The following FRMD8 variants were observed in gnomAD, a reference collection of about 807,000 sequenced individuals.
FRMD8 encodes the protein FERM domain-containing protein 8.
In FRMD8, 37 loss-of-function variants were observed where a neutral mutation model predicts 54.2. The ratio of observed to expected loss-of-function variants is 0.68; its 90% CI spans 0.53 to 0.90. The LOEUF (loss-of-function observed/expected upper bound fraction) is 0.90. Among genes scored for constraint, FRMD8 ranks in the 40% least tolerant of loss-of-function variants. The pLI, the probability that FRMD8 is intolerant of heterozygous loss-of-function variation, is 0.00. For missense variants in FRMD8, 585 were observed against 653.7 expected (o/e 0.89, Z 1.15); for synonymous variants, 246 against 286.9 (o/e 0.86, Z 1.44).
chr11:65,386,461 C>G (rs1301959714), upstream of FRMD8: 1 of 153,138 alleles, frequency 6.5e-6, no homozygotes, highest in East Asian at 1.9e-4. Context: ...CTGGGTCACT[C>G]TGGTGGTGGC....
chr11:65,380,523 C>T, the FRMD8 span: 18 of 1,385,408 alleles, frequency 1.3e-5, no homozygotes, highest in Non-Finnish European at 1.7e-5. Context: ...GAGAATCACC[C>T]AGGTTCCCAC....
intron 3 of FRMD8, among the ~76,000 whole-genome samples, chr11:65,391,995 A>ATGAGGACCCCC (rs1272894064): frequency 6.6e-6 from 1 of 152,208 alleles, no homozygotes; most frequent in Admixed American, 6.5e-5. Context: ...CAGAGAGAGC[A>ATGAGGACCCCC]TGAGGACCCC....
At chr11:65,375,817 C>G in the FRMD8 span, 1 of 153,816 alleles carries the variant, frequency 6.5e-6, no homozygotes, top group Non-Finnish European at 1.4e-5. Flanking sequence ...AATCCCAGCA[C>G]TTTGAGAGGC....
At chr11:65,369,766 C>T in the FRMD8 span, among the ~76,000 whole-genome samples, 1 of 150,780 alleles carries the variant, frequency 6.6e-6, no homozygotes, top group Admixed American at 6.6e-5. Flanking sequence ...GGCATAGTGG[C>T]TCATGCCTGT....
At chr11:65,381,968 A>C, upstream of FRMD8, 1 of 1,612,792 alleles carries the variant, frequency 6.2e-7, no homozygotes, top group Non-Finnish European at 8.5e-7. Flanking sequence ...GGCTTGCGGG[A>C]ACTGGTGGCT....
At chr11:65,410,816 A>C (rs1405920704) in intron 10 of FRMD8, among the ~76,000 whole-genome samples, 1 of 152,160 alleles carries the variant, frequency 6.6e-6, no homozygotes, top group African/African-American at 2.4e-5. Context: ...AACAAACCCA[A>C]AAAAAACCAA....
intron 10 of FRMD8, among the ~76,000 whole-genome samples, chr11:65,407,485 C>T (rs956454857): frequency 8.6e-5 from 13 of 151,976 alleles, no homozygotes; most frequent in African/African-American, 2.4e-4. Context: ...CTCCTGACCT[C>T]AAGTGATCTG....
intron 2 of FRMD8, 44 bp downstream of exon 2, chr11:65,387,165 C>T (rs767196748): frequency 2.0e-6 from 3 of 1,479,450 alleles, no homozygotes; most frequent in Non-Finnish European, 2.8e-6. Context: ...TCCTGGGACC[C>T]CAGCCCTGGA....
upstream of FRMD8, among the ~76,000 whole-genome samples, chr11:65,384,525 A>G (rs559595557): frequency 6.6e-6 from 1 of 152,300 alleles, no homozygotes; most frequent in Non-Finnish European, 1.5e-5. Context: ...AAAGCACTTT[A>G]AAAAGTGGCT....
chr11:65,399,667 TG>T, intron 7 of FRMD8, 68 bp from the exon 8 acceptor site: 1 of 1,577,204 alleles, frequency 6.3e-7, no homozygotes. Flanking sequence ...GAGCCCAGGT[TG>T]GGGCCTCGAG....
upstream of FRMD8, chr11:65,382,003 TC>T (rs759661588): frequency 1.6e-5 from 24 of 1,455,668 alleles, no homozygotes; most frequent in Admixed American, 1.3e-4. The surrounding 1 kb of genome is among the most constrained non-coding windows in gnomAD (Gnocchi z 4.4). Flanking sequence ...AGAGTTGAAT[TC>T]CCCCCTCTCC....
At chr11:65,394,146 C>A (rs757938701) in intron 5 of FRMD8, 47 bp downstream of exon 5, 23 of 1,609,134 alleles carry the variant, frequency 1.4e-5, no homozygotes, top group Non-Finnish European at 2.0e-5. Flanking sequence ...CCCCTTGTGC[C>A]CAGCCTCCCT....
chr11:65,402,429 C>G (rs960587411), intron 9 of FRMD8, among the ~76,000 whole-genome samples: 5 of 151,802 alleles, frequency 3.3e-5, no homozygotes, highest in Non-Finnish European at 5.9e-5. Flanking sequence ...ATGTGTGGGT[C>G]TGTTTCTGGA....
chr11:65,411,690 C>G lies in FRMD8; in HGVS notation c.*330C>G, dbSNP rs998395303. 1.8e-5 allele frequency: 4 copies of G among 218,660 alleles called. No homozygotes were observed. Among genetic ancestry groups the G allele is most frequent in the Non-Finnish European group, 3.6e-5 (4 of 110,406 alleles). The allele number at this position is 218,660 out of a possible 1,614,324, so 13.5% of individuals were successfully genotyped here. Reference sequence around the variant, plus strand: ...GCCTTTGTGCCCACCTCAAGATGGGCAGTGTCCCTGTTCTGAAGTGCCCAG... The same window carrying G: ...GCCTTTGTGCCCACCTCAAGATGGGGAGTGTCCCTGTTCTGAAGTGCCCAG... On this transcript the variant is annotated 3_prime_UTR_variant, in exon 11 of 11. Coordinates refer to ENST00000317568, the MANE Select transcript of FRMD8 (RefSeq NM_031904.5).
At chr11:65,394,549 C>G in intron 6 of FRMD8, 124 bp downstream of exon 6, 1 of 1,190,612 alleles carries the variant, frequency 8.4e-7, no homozygotes, top group South Asian at 1.5e-5. Flanking sequence ...GAGGCCTCAG[C>G]CCCGCAGGCT....
the FRMD8 span, among the ~76,000 whole-genome samples, chr11:65,368,600 G>C: frequency 1.3e-5 from 2 of 152,058 alleles, no homozygotes; most frequent in African/African-American, 4.8e-5. Context: ...GTCTTGCTCT[G>C]TCGCCCAGGC....
At chr11:65,393,065 C>G (rs754385527) in intron 3 of FRMD8, among the ~76,000 whole-genome samples, 10 of 152,132 alleles carry the variant, frequency 6.6e-5, no homozygotes, top group Non-Finnish European at 1.0e-4. Context: ...GCGTGTGGGC[C>G]ACGGAGGTGC....
Position 65,404,754 on chromosome 11 carries a change from G to A in FRMD8, c.1072-110G>A, listed in dbSNP as rs1387972981. 4.6e-6 allele frequency: 4 copies of A among 869,904 alleles called. No homozygotes were observed. The highest frequency in any genetic ancestry group is 3.3e-5 in the South Asian group (2 of 61,000). 53.9% of individuals were successfully genotyped at this position (869,904 alleles called of 1,614,324 possible). A position where few individuals can be genotyped will look rare whatever the true frequency, so the allele number is the denominator to read the frequency against. On this transcript the variant is annotated intron_variant, in intron 9 of 10. Coordinates refer to ENST00000317568, the MANE Select transcript of FRMD8 (RefSeq NM_031904.5). This position sits in a 1 kb window ranked among gnomAD's most constrained non-coding sequence, Gnocchi z 4.7. ...CCCTGCTCCCTCCCTCCTGAGTGAT[G>A]TGTGTCCCCTCCCCTGCTTCCCCAA... is the stretch of plus-strand genomic sequence containing the variant.
intron 10 of FRMD8, among the ~76,000 whole-genome samples, chr11:65,410,768 C>T (rs551008591): frequency 5.3e-5 from 8 of 151,948 alleles, no homozygotes; most frequent in African/African-American, 1.2e-4. Flanking sequence ...CCAGCCTGGG[C>T]GACAGAGCGA....
Sources: gnomAD v4.1 joint callset for allele counts (sites outside exome capture counted in the v4.1 genomes callset) on GRCh38, gnomAD v4.1.1 for gene constraint, Gnocchi (gnomAD v3.1) non-coding constraint, MANE v1.5 for transcripts, NCBI Gene and HGNC (gene_info 2026-07-23, HGNC 2026-07-21) for gene names.